Variants in RANBP2 observed in about 807,000 individuals in gnomAD.
The protein encoded by RANBP2 is RAN binding protein 2.
In RANBP2, 57 loss-of-function variants were observed where a neutral mutation model predicts 303.6. The ratio of observed to expected loss-of-function variants is 0.19; its 90% CI spans 0.15 to 0.23. The LOEUF is 0.23. Among genes scored for constraint, RANBP2 ranks in the 10% least tolerant of loss-of-function variants. The probability of loss-of-function intolerance (pLI) is 1.00; values close to 1 mark genes in which losing one functional copy is unlikely to be tolerated. For synonymous variants in RANBP2, 1,167 were observed against 1,301.5 expected, an observed-to-expected ratio of 0.90 and a Z score of 2.23; for missense variants, 3,138 against 3,780.8, an observed-to-expected ratio of 0.83 and a Z score of 4.46.
At chr2:108,788,594 C>A (rs1483013729), downstream of RANBP2, among the ~76,000 whole-genome samples, 1 of 151,688 alleles carries the variant, frequency 6.6e-6, no homozygotes, top group African/African-American at 2.4e-5. Flanking sequence ...GTGGCGGGCT[C>A]CTGTAGTCCC....
chr2:109,075,025 C>CAAAAAAAAAAAAAAAAA, the RANBP2 span, among the ~76,000 whole-genome samples: 1 of 44,636 alleles, frequency 2.2e-5, no homozygotes, highest in Non-Finnish European at 4.0e-5. Context: ...GTCTCCATCT[C>CAAAAAAAAAAAAAAAAA]AAAAAAAAAA....
At chr2:109,428,449 G>A in the RANBP2 span, among the ~76,000 whole-genome samples, 8 of 152,206 alleles carry the variant, frequency 5.3e-5, no homozygotes, top group African/African-American at 1.7e-4. Flanking sequence ...TGCCCAGCTG[G>A]GTCAGCCGAG....
At chr2:109,709,440 C>T in the RANBP2 span, among the ~76,000 whole-genome samples, 1 of 152,148 alleles carries the variant, frequency 6.6e-6, no homozygotes, top group East Asian at 1.9e-4. Context: ...CTGCTGCCAC[C>T]ATGCAGTGTG....
chr2:109,319,115 A>G, the RANBP2 span, among the ~76,000 whole-genome samples: 5 of 152,160 alleles, frequency 3.3e-5, no homozygotes, highest in Admixed American at 2.0e-4. Context: ...TGTCTGCAGA[A>G]GAGGCACTCC....
chr2:108,763,453 A>G lies in RANBP2; in HGVS notation c.2914A>G (p.Asn972Asp). The stretch of plus-strand genomic sequence containing the variant: ...TTACAATGTTCAACAGACAAGCACA[A>G]ATCCACCTTTGCCAGAACCAGGATA... ...FNYNVQQTSTNPPLPEPGYFT... is the reference protein window; with the variant it reads ...FNYNVQQTSTDPPLPEPGYFT... The change falls in exon 20 of 29, where the codon AAT becomes GAT. Residue 972 changes from asparagine to aspartate, a missense_variant. Coordinates refer to ENST00000283195, the MANE Select transcript of RANBP2 (RefSeq NM_006267.5). 1 of 1,614,040 alleles carries G rather than the reference A, an allele frequency of 6.2e-7. No individual in the cohort carries two copies. Among genetic ancestry groups the G allele is most frequent in the Non-Finnish European group, 8.5e-7 (1 of 1,179,958 alleles).
At chr2:109,263,507 C>T in the RANBP2 span, among the ~76,000 whole-genome samples, 1 of 152,172 alleles carries the variant, frequency 6.6e-6, no homozygotes, top group Non-Finnish European at 1.5e-5. Context: ...GATTAGGGGG[C>T]TGATGCATAC....
intron 17 of RANBP2, among the ~76,000 whole-genome samples, chr2:108,756,472 G>A (rs543516392): frequency 2.0e-5 from 3 of 152,364 alleles, no homozygotes; most frequent in South Asian, 4.1e-4. Context: ...AGGATATGCT[G>A]ATGTGTGGCG....
the RANBP2 span, among the ~76,000 whole-genome samples, chr2:109,133,761 T>C: frequency 6.6e-6 from 1 of 151,136 alleles, no homozygotes; most frequent in Non-Finnish European, 1.5e-5. Flanking sequence ...CTTCTTTCCC[T>C]GTTACAGACT....
the RANBP2 span, among the ~76,000 whole-genome samples, chr2:109,708,892 G>C: frequency 2.0e-5 from 3 of 151,832 alleles, no homozygotes; most frequent in Non-Finnish European, 4.4e-5. Flanking sequence ...AGGGAGAATC[G>C]CTTGAACCCG....
chr2:109,108,148 G>A, the RANBP2 span, among the ~76,000 whole-genome samples: 441 of 152,184 alleles, frequency 2.9e-3, 1 homozygote, highest in African/African-American at 0.01. Context: ...CTCGGGATCC[G>A]CCCACCTTGG....
chr2:109,580,328 T>C, the RANBP2 span, among the ~76,000 whole-genome samples: 2 of 141,082 alleles, frequency 1.4e-5, no homozygotes, highest in South Asian at 4.9e-4. Flanking sequence ...ATGAAAGAAG[T>C]CACAATTTCT....
chr2:109,135,524 C>T, the RANBP2 span, among the ~76,000 whole-genome samples: 1 of 152,212 alleles, frequency 6.6e-6, no homozygotes, highest in Middle Eastern at 3.2e-3. Flanking sequence ...GTTTCAGTGC[C>T]TGTTCCTAAT....
intron 1 of RANBP2, among the ~76,000 whole-genome samples, chr2:108,727,221 C>T (rs1323415410): frequency 2.6e-5 from 4 of 152,102 alleles, no homozygotes; most frequent in South Asian, 2.1e-4. Flanking sequence ...CGGGCAGAGG[C>T]GCCCCTCAGA....
chr2:109,088,121 G>A, the RANBP2 span, among the ~76,000 whole-genome samples: 1 of 152,102 alleles, frequency 6.6e-6, no homozygotes, highest in Non-Finnish European at 1.5e-5. Flanking sequence ...AAATTAGGCC[G>A]GGTACGGTGG....
At chr2:108,822,659 A>G in the RANBP2 span, among the ~76,000 whole-genome samples, 5 of 152,254 alleles carry the variant, frequency 3.3e-5, no homozygotes, top group African/African-American at 9.6e-5. Flanking sequence ...TATAAAATCC[A>G]CAAATATGTG....
At chr2:108,876,256 T>TCTA in the RANBP2 span, 2 of 1,561,422 alleles carry the variant, frequency 1.3e-6, no homozygotes, top group Non-Finnish European at 8.7e-7. Context: ...GCCCTTAGAC[T>TCTA]GGCTAATTTT....
chr2:109,612,569 A>G, the RANBP2 span, among the ~76,000 whole-genome samples: 1 of 152,258 alleles, frequency 6.6e-6, no homozygotes, highest in Admixed American at 6.5e-5. Flanking sequence ...AGTTAGCCTC[A>G]AAGCAAATTA....
At chr2:109,066,108 T>C in the RANBP2 span, among the ~76,000 whole-genome samples, 1 of 151,440 alleles carries the variant, frequency 6.6e-6, no homozygotes, top group African/African-American at 2.4e-5. Context: ...CGGCTAATTC[T>C]GTATTTTTTT....
the RANBP2 span, among the ~76,000 whole-genome samples, chr2:108,976,061 T>G: frequency 1.3e-5 from 2 of 152,240 alleles, no homozygotes; most frequent in African/African-American, 4.8e-5. Flanking sequence ...GAACAAATAC[T>G]GGTGCAATAC....
Sources: allele counts gnomAD v4.1 joint callset (sites outside exome capture counted in the v4.1 genomes callset), GRCh38; gene constraint gnomAD v4.1.1; transcripts MANE v1.5; gene names NCBI Gene and HGNC (gene_info 2026-07-23, HGNC 2026-07-21).